The following MITF variants were observed in gnomAD, a reference collection of about 807,000 sequenced individuals.
MITF encodes melanocyte inducing transcription factor.
A neutral mutation model predicts 60.5 loss-of-function variants in MITF; 17 were observed. The ratio of observed to expected loss-of-function variants is 0.28; its 90% CI spans 0.19 to 0.42. MITF has a LOEUF of 0.42. Ranked by LOEUF, MITF falls within the 10% of genes least tolerant of loss-of-function variation. The pLI, the probability that MITF is intolerant of heterozygous loss-of-function variation, is 1.00. For missense variants in MITF, 622 were observed against 683.5 expected, an observed-to-expected ratio of 0.91 and a Z score of 1.00; for synonymous variants, 260 against 248.5, an observed-to-expected ratio of 1.05 and a Z score of -0.43.
At chr3:69,940,116 A>G (rs2065935349) in intron 4 of MITF, among the ~76,000 whole-genome samples, 1 of 152,202 alleles carries the variant, frequency 6.6e-6, no homozygotes, top group South Asian at 2.1e-4. Context: ...TCCTGAAATC[A>G]TACAAGAATC....
chr3:69,845,800 C>G (rs1054040099), intron 1 of MITF, among the ~76,000 whole-genome samples: 6 of 152,312 alleles, frequency 3.9e-5, no homozygotes, highest in African/African-American at 1.4e-4. Context: ...GCTGTCAAAA[C>G]ATGTTCTACT....
At chr3:69,883,960 A>G (rs2064551545) in intron 2 of MITF, among the ~76,000 whole-genome samples, 1 of 152,136 alleles carries the variant, frequency 6.6e-6, no homozygotes, top group Admixed American at 6.5e-5. Flanking sequence ...GGTGTCTGCA[A>G]GGCTACATCC....
intron 1 of MITF, among the ~76,000 whole-genome samples, chr3:69,746,335 G>A (rs1703727153): frequency 6.6e-6 from 1 of 152,122 alleles, no homozygotes. Flanking sequence ...TTACTGTCAG[G>A]AATAGGACCT....
At chr3:69,833,674 TGTATGTGGTTCTCTGTTTA>T in intron 1 of MITF, among the ~76,000 whole-genome samples, 1 of 42,662 alleles carries the variant, frequency 2.3e-5, no homozygotes, top group Non-Finnish European at 1.0e-4. Context: ...CTGTTTACAC[TGTATGTGGTTCTCTGTTTA>T]CACTGTATGT....
At chr3:69,861,579 G>A (rs72950056) in intron 1 of MITF, among the ~76,000 whole-genome samples, 9,331 of 152,236 alleles carry the variant, frequency 0.061, 396 homozygotes, top group Admixed American at 0.13. Flanking sequence ...GGAGAGAGAA[G>A]AGGGCTCTAG....
At chr3:69,820,591 T>G (rs2063253522) in intron 1 of MITF, among the ~76,000 whole-genome samples, 1 of 152,212 alleles carries the variant, frequency 6.6e-6, no homozygotes, top group Non-Finnish European at 1.5e-5. Flanking sequence ...TCAGTTCTTT[T>G]TGGATTCTGA....
At chr3:69,957,823 C>G (rs2066437332) in intron 8 of MITF, among the ~76,000 whole-genome samples, 1 of 152,294 alleles carries the variant, frequency 6.6e-6, no homozygotes, top group Non-Finnish European at 1.5e-5. Flanking sequence ...TGATAATGAT[C>G]TTTAATTGTA....
At chr3:69,959,464 T>C in intron 9 of MITF, 44 bp downstream of exon 9, 1 of 1,610,992 alleles carries the variant, frequency 6.2e-7, no homozygotes, top group Non-Finnish European at 8.5e-7. Context: ...TTTTACCGAC[T>C]TCAAGACAGT....
chr3:69,967,695 C>T lies in MITF; in HGVS notation c.*2447C>T, dbSNP rs1284593827. On this transcript the variant is annotated 3_prime_UTR_variant, in exon 10 of 10. Transcript: ENST00000352241. ...GGTGAGCAAGCCCAGGAGAATGCTG[C>T]AATCTTGGGGGTGGTTTTATTTATT... is the stretch of plus-strand genomic sequence containing the variant. 1.3e-5 allele frequency: 3 copies of T among 232,938 alleles called. No homozygotes were observed. The highest frequency in any genetic ancestry group is 2.5e-5 in the Non-Finnish European group (3 of 117,950). The allele number at this position is 232,938 out of a possible 1,614,324, so 14.4% of individuals were successfully genotyped here.
At chr3:69,764,996 G>A (rs749736918) in intron 1 of MITF, among the ~76,000 whole-genome samples, 1 of 152,106 alleles carries the variant, frequency 6.6e-6, no homozygotes, top group Admixed American at 6.6e-5. Context: ...CCTTTTCCTG[G>A]GAGTTCTCTG....
At chr3:69,941,713 G>A (rs561506125) in intron 5 of MITF, among the ~76,000 whole-genome samples, 1 of 152,210 alleles carries the variant, frequency 6.6e-6, no homozygotes, top group African/African-American at 2.4e-5. Flanking sequence ...TTTTCAAGAA[G>A]GTTTTCTCAT....
chr3:69,879,883 T>C (rs2064445131), intron 2 of MITF, among the ~76,000 whole-genome samples: 1 of 152,346 alleles, frequency 6.6e-6, no homozygotes, highest in Non-Finnish European at 1.5e-5. Context: ...ATCCTTTTAC[T>C]GAAGTGAGTT....
At chr3:69,948,816 T>C (rs2066166291) in intron 5 of MITF, among the ~76,000 whole-genome samples, 1 of 152,220 alleles carries the variant, frequency 6.6e-6, no homozygotes, top group Non-Finnish European at 1.5e-5. Flanking sequence ...AGTCATTTTA[T>C]GGGTGTGAGA....
chr3:69,870,830 T>C (rs2064221387), intron 1 of MITF, among the ~76,000 whole-genome samples: 1 of 152,164 alleles, frequency 6.6e-6, no homozygotes, highest in Admixed American at 6.5e-5. Flanking sequence ...GGTGGGAGTG[T>C]GCCTAGCCAA....
At chr3:69,767,883 C>T (rs971069104) in intron 1 of MITF, among the ~76,000 whole-genome samples, 3 of 152,134 alleles carry the variant, frequency 2.0e-5, no homozygotes, top group African/African-American at 4.8e-5. Context: ...ACACATGCAT[C>T]GTTCAGCCCT....
At chr3:69,758,485 A>C (rs2062163698) in intron 1 of MITF, among the ~76,000 whole-genome samples, 1 of 152,178 alleles carries the variant, frequency 6.6e-6, no homozygotes, top group Non-Finnish European at 1.5e-5. Context: ...AATATATTTT[A>C]ACTGGTGTTC....
At chr3:69,881,163 A>T (rs1356091615) in intron 2 of MITF, among the ~76,000 whole-genome samples, 2 of 152,102 alleles carry the variant, frequency 1.3e-5, no homozygotes, top group Admixed American at 1.3e-4. Context: ...GTGACACTGG[A>T]TTGAGCTACA....
chr3:69,935,503 T>A (rs559348850), intron 2 of MITF, among the ~76,000 whole-genome samples: 11 of 152,200 alleles, frequency 7.2e-5, no homozygotes, highest in Admixed American at 7.2e-4. Context: ...GTCATCATTA[T>A]CATGTCTGGA....
chr3:69,916,190 TCA>T (rs1357122365), intron 2 of MITF, among the ~76,000 whole-genome samples: 73 of 152,362 alleles, frequency 4.8e-4, no homozygotes, highest in African/African-American at 1.6e-3. Context: ...CATTTTATTT[TCA>T]GTGTCTTTTT....
Sources: allele counts gnomAD v4.1 joint callset (sites outside exome capture counted in the v4.1 genomes callset), GRCh38; gene constraint gnomAD v4.1.1; transcripts MANE v1.5; gene names NCBI Gene and HGNC (gene_info 2026-07-23, HGNC 2026-07-21).